Variants in ATP2A3 observed in about 807,000 individuals in gnomAD.
ATP2A3 encodes sarcoplasmic/endoplasmic reticulum calcium ATPase 3.
A neutral mutation model predicts 106.8 loss-of-function variants in ATP2A3; 61 were observed. The ratio of observed to expected loss-of-function variants is 0.57; its 90% CI spans 0.46 to 0.71. ATP2A3 has a LOEUF of 0.71. ATP2A3 is among the 30% of genes least tolerant of loss of function. ATP2A3 has a pLI of 0.00. For missense variants in ATP2A3, 1,201 were observed against 1,423.5 expected, an observed-to-expected ratio of 0.84 and a Z score of 2.52; for synonymous variants, 611 against 609.3, an observed-to-expected ratio of 1.00 and a Z score of -0.04.
At chr17:3,934,077 C>T (rs1012864203) in intron 17 of ATP2A3, among the ~76,000 whole-genome samples, 17 of 151,282 alleles carry the variant, frequency 1.1e-4, no homozygotes, top group Admixed American at 1.1e-3. Flanking sequence ...GCATCCGCCA[C>T]CACACCTGGG....
intron 1 of ATP2A3, among the ~76,000 whole-genome samples, chr17:3,961,036 C>G (rs1444427199): frequency 1.3e-5 from 2 of 152,188 alleles, no homozygotes; most frequent in African/African-American, 4.8e-5. Context: ...CTCCTGGCAC[C>G]GGCTCCAAGA....
chr17:3,951,556 C>CCCCCCCA, intron 4 of ATP2A3, 25 bp downstream of exon 4: 1 of 1,345,710 alleles, frequency 7.4e-7, no homozygotes. Context: ...GCCCCCCGCC[C>CCCCCCCA]GGTCCCACCC....
chr17:3,957,942 G>A (rs560258265), intron 1 of ATP2A3, among the ~76,000 whole-genome samples: 36 of 152,306 alleles, frequency 2.4e-4, no homozygotes, highest in Middle Eastern at 6.8e-3. Context: ...CTGAGCCTCC[G>A]CCACGGTGAC....
At chr17:3,940,045 TTTTTG>T (rs1183887254) in intron 14 of ATP2A3, among the ~76,000 whole-genome samples, 12,470 of 124,632 alleles carry the variant, frequency 0.1, 1,282 homozygotes, top group African/African-American at 0.14. Context: ...TTTTTTTTGT[TTTTTG>T]TTTTTTTTTT....
chr17:3,944,009 C>G (rs140348617), intron 10 of ATP2A3, among the ~76,000 whole-genome samples: 1 of 152,180 alleles, frequency 6.6e-6, no homozygotes, highest in East Asian at 1.9e-4. Context: ...TCTCTTTCAC[C>G]TAACCAGTCA....
chr17:3,933,927 C>T (rs2053268537), intron 17 of ATP2A3, among the ~76,000 whole-genome samples: 1 of 143,624 alleles, frequency 7.0e-6, no homozygotes, highest in Admixed American at 6.9e-5. Flanking sequence ...CTTTTCTTTT[C>T]TTTTTTTCTT....
chr17:3,946,120 C>T (rs1248489322), intron 8 of ATP2A3, among the ~76,000 whole-genome samples: 2 of 150,514 alleles, frequency 1.3e-5, no homozygotes, highest in South Asian at 2.1e-4. Flanking sequence ...TGGTGGCACG[C>T]GCCTGTAGTC....
In ATP2A3 at chr17:3,928,646, C is replaced by T. The variant is rs913439840; in HGVS notation, c.2980+17G>A. On this transcript the variant is annotated intron_variant, in intron 20 of 20. Coordinates refer to ENST00000397041, the MANE Select transcript of ATP2A3 (RefSeq NM_005173.4). The surrounding 1 kb of genome is among the most constrained non-coding windows in gnomAD (Gnocchi z 6.1). ...GCGGGGAGGCAGGCTGGAGGCGGGA[C>T]GGGGCCTCCCACTCACCGTGCATGT... 7.1e-6 allele frequency: 11 copies of T among 1,542,188 alleles called. No homozygotes were observed. Among genetic ancestry groups the T allele is most frequent in the East Asian group, 2.4e-5 (1 of 40,880 alleles).
rs2052610088 is a variant in ATP2A3, at chr17:3,924,667, T to TGAGTC, written c.*750_*754dup. Reference sequence around the variant, plus strand: ...CTCCCGAGCTCAGGACGGGGAACCCTGAGTCCAGGAGGCGCGCGGGGCTGA... The same window carrying TGAGTC: ...CTCCCGAGCTCAGGACGGGGAACCCTGAGTCGAGTCCAGGAGGCGCGCGGGGCTGA... On this transcript the variant is annotated 3_prime_UTR_variant, in exon 21 of 21. Transcript: ENST00000397041. The surrounding 1 kb of genome is among the most constrained non-coding windows in gnomAD (Gnocchi z 6.4). The TGAGTC allele has an allele frequency of 1.2e-4, 54 of 438,120 alleles. 1 individual carries two copies. Among genetic ancestry groups the TGAGTC allele is most frequent in the South Asian group, 6.9e-4 (43 of 61,892 alleles). The allele number at this position is 438,120 out of a possible 1,614,324, so 27.1% of individuals were successfully genotyped here.
chr17:3,956,620 A>T (rs1178776880), intron 1 of ATP2A3, among the ~76,000 whole-genome samples: 1 of 152,240 alleles, frequency 6.6e-6, no homozygotes, highest in Non-Finnish European at 1.5e-5. Context: ...AGCAGCCAGC[A>T]GCCTGTGAGA....
chr17:3,963,682 C>T (rs1462495850), intron 1 of ATP2A3, among the ~76,000 whole-genome samples: 3 of 152,086 alleles, frequency 2.0e-5, no homozygotes, highest in African/African-American at 7.2e-5. Flanking sequence ...GGGGTGGGGG[C>T]CCCAAGGCTG....
At position 3,929,801 on chromosome 17, in the gene ATP2A3, C is replaced by T. The variant is rs143620102; in HGVS notation, c.2745-356G>A. On this transcript the variant is annotated intron_variant, in intron 18 of 20. Coordinates refer to ENST00000397041, the MANE Select transcript of ATP2A3 (RefSeq NM_005173.4). The surrounding 1 kb of genome is among the most constrained non-coding windows in gnomAD (Gnocchi z 4.3). ...ACCCCCAGACCCTAATCCTGGACCC[C>T]GCTTGGCCCCAGACCTTTGTTCTGG... is the stretch of plus-strand genomic sequence containing the variant. Among the ~76,000 whole-genome samples, 397 of 152,046 alleles carry T rather than the reference C, an allele frequency of 2.6e-3. No individual in the cohort carries two copies. Among genetic ancestry groups the T allele is most frequent in the African/African-American group, 8.8e-3 (366 of 41,444 alleles).
intron 16 of ATP2A3, 102 bp from the exon 17 acceptor site, chr17:3,935,379 C>G: frequency 9.0e-7 from 1 of 1,114,452 alleles, no homozygotes; most frequent in Non-Finnish European, 1.3e-6. Context: ...GGGAGCCACC[C>G]TTTTCCTCTC....
intron 1 of ATP2A3, among the ~76,000 whole-genome samples, chr17:3,957,368 C>T (rs747828968): frequency 5.9e-5 from 9 of 152,188 alleles, no homozygotes; most frequent in Non-Finnish European, 8.8e-5. Context: ...CTTAGGCTGT[C>T]CTGCCTTCCC....
At chr17:3,932,037 A>G (rs1056180458) in intron 17 of ATP2A3, among the ~76,000 whole-genome samples, 2 of 152,246 alleles carry the variant, frequency 1.3e-5, no homozygotes, top group Non-Finnish European at 2.9e-5. Context: ...TAACAAAGAG[A>G]TAGAGAATCT....
At chr17:3,940,611 G>A (rs1226926528) in intron 14 of ATP2A3, among the ~76,000 whole-genome samples, 1 of 152,126 alleles carries the variant, frequency 6.6e-6, no homozygotes, top group East Asian at 1.9e-4. Flanking sequence ...GGATTCAAGT[G>A]ATTCTCCTGC....
chr17:3,947,552 G>C lies in ATP2A3; in HGVS notation c.934C>G (p.Pro312Ala). 6 of 1,613,074 alleles carry C rather than the reference G, an allele frequency of 3.7e-6. No individual in the cohort carries two copies. Among genetic ancestry groups the C allele is most frequent in the Non-Finnish European group, 5.1e-6 (6 of 1,179,944 alleles). ...LAVAAIPEGLPAVITTCLALG... is the reference protein window; with the variant it reads ...LAVAAIPEGLAAVITTCLALG... ...GCCAGGCATGTAGTGATGACAGCCG[G>C]GAGGCCCTCGGGGATGGCCGCCACC... Residue 312 changes from proline to alanine, a missense_variant, in exon 8 of 21, where the codon CCG (proline) becomes GCG (alanine). Pro to Ala is a conservative substitution (Grantham distance 27). Around this residue, in one of 2 missense-constraint regions of ATP2A3, gnomAD observed 935 missense variants for 1,176.7 expected, o/e 0.79. Transcript: ENST00000397041. The surrounding 1 kb of genome is among the most constrained non-coding windows in gnomAD (Gnocchi z 7.7).
chr17:3,947,343 C>G lies in ATP2A3; in HGVS notation c.1095+48G>C, dbSNP rs1371747848. On this transcript the variant is annotated intron_variant, in intron 8 of 20. Transcript: ENST00000397041. This position sits in a 1 kb window ranked among gnomAD's most constrained non-coding sequence, Gnocchi z 7.7. ...TGGGGGAGAGACCCAGAGAGGGAGC[C>G]CAGCCTGCTCTGCAACGCACAGCAA... 1 of 1,607,962 alleles carries G rather than the reference C, an allele frequency of 6.2e-7. No individual in the cohort carries two copies. The highest frequency in any genetic ancestry group is 1.1e-5 in the South Asian group (1 of 90,910).
intron 5 of ATP2A3, 141 bp downstream of exon 5, chr17:3,951,110 T>C (rs994282511): frequency 4.9e-5 from 42 of 859,916 alleles, no homozygotes; most frequent in Middle Eastern, 8.0e-4. Context: ...AGGCAGGAGG[T>C]TGCAGTGAGC....
Sources: allele counts gnomAD v4.1 joint callset (sites outside exome capture counted in the v4.1 genomes callset), GRCh38; gene constraint gnomAD v4.1.1; regional missense constraint gnomAD v4.1.1; non-coding constraint Gnocchi (gnomAD v3.1); transcripts MANE v1.5; gene names NCBI Gene and HGNC (gene_info 2026-07-23, HGNC 2026-07-21).